Variants in OSBPL10 observed in about 807,000 individuals in gnomAD.
OSBPL10 encodes oxysterol-binding protein-related protein 10.
Under a neutral mutation model 81.7 loss-of-function variants are expected in OSBPL10, and 49 were observed. The observed-to-expected ratio is 0.60, with a 90% confidence interval of 0.48 to 0.76. The LOEUF (loss-of-function observed/expected upper bound fraction) is 0.76. OSBPL10 is among the 30% of genes least tolerant of loss of function. The probability of loss-of-function intolerance (pLI) is 0.00; values close to 1 mark genes in which losing one functional copy is unlikely to be tolerated. For missense variants in OSBPL10, 923 were observed against 987.8 expected (o/e 0.93, Z 0.88); for synonymous variants, 419 against 383.6 (o/e 1.09, Z -1.08).
At chr3:31,847,819 A>T (rs895164899) in intron 3 of OSBPL10, among the ~76,000 whole-genome samples, 1 of 152,074 alleles carries the variant, frequency 6.6e-6, no homozygotes, top group African/African-American at 2.4e-5. Flanking sequence ...GGAAACTATT[A>T]CACCTTCCAA....
intron 6 of OSBPL10, chr3:31,703,944 C>T (rs1421186460): frequency 2.0e-5 from 3 of 152,212 alleles, no homozygotes; most frequent in Non-Finnish European, 4.4e-5. Context: ...GAATCCTTAC[C>T]TATGCTAACC....
chr3:31,949,408 C>T (rs1697798300), intron 1 of OSBPL10, among the ~76,000 whole-genome samples: 1 of 151,874 alleles, frequency 6.6e-6, no homozygotes, highest in African/African-American at 2.4e-5. Flanking sequence ...GTGGCTCACG[C>T]CTGTAATCCC....
chr3:31,676,376 C>T (rs547423846), intron 8 of OSBPL10, among the ~76,000 whole-genome samples: 1 of 150,830 alleles, frequency 6.6e-6, no homozygotes, highest in Non-Finnish European at 1.5e-5. Flanking sequence ...CTTCATTTGG[C>T]CTAACAGCTA....
chr3:31,865,586 G>A (rs4955214), intron 3 of OSBPL10, among the ~76,000 whole-genome samples: 14,287 of 152,184 alleles, frequency 0.094, 1,396 homozygotes, highest in Admixed American at 0.33. Context: ...GCCTTTGGGA[G>A]GTGATTAGGT....
intron 2 of OSBPL10, among the ~76,000 whole-genome samples, chr3:32,020,822 C>T (rs1699357979): frequency 6.6e-6 from 1 of 152,078 alleles, no homozygotes; most frequent in Non-Finnish European, 1.5e-5. Flanking sequence ...TATGCAAGAG[C>T]AAGGTGGTTG....
intron 6 of OSBPL10, among the ~76,000 whole-genome samples, chr3:31,708,547 A>G (rs1257106862): frequency 6.6e-6 from 1 of 152,212 alleles, no homozygotes; most frequent in Admixed American, 6.5e-5. Flanking sequence ...AATCCAGGAA[A>G]TTTCACTTGG....
chr3:31,799,610 T>C (rs1249155766), intron 4 of OSBPL10, among the ~76,000 whole-genome samples: 1 of 152,096 alleles, frequency 6.6e-6, no homozygotes, highest in Non-Finnish European at 1.5e-5. Flanking sequence ...TGGTACATTA[T>C]AAGCACTCAA....
chr3:31,678,319 T>C (rs1162395153), intron 8 of OSBPL10, among the ~76,000 whole-genome samples: 2 of 151,970 alleles, frequency 1.3e-5, no homozygotes, highest in African/African-American at 4.8e-5. Flanking sequence ...GGGAAGAAGA[T>C]GATGATGAAC....
chr3:32,004,120 A>G (rs781698572), intron 2 of OSBPL10, among the ~76,000 whole-genome samples: 3 of 152,210 alleles, frequency 2.0e-5, no homozygotes, highest in Non-Finnish European at 4.4e-5. Context: ...TTTAACTTAT[A>G]TTATTTTAAA....
At chr3:32,013,087 A>G (rs1026515001) in intron 2 of OSBPL10, among the ~76,000 whole-genome samples, 1 of 152,214 alleles carries the variant, frequency 6.6e-6, no homozygotes, top group African/African-American at 2.4e-5. Context: ...CTCTGCACCA[A>G]GCGGACCTAA....
At chr3:31,866,496 C>A (rs942497356) in intron 3 of OSBPL10, among the ~76,000 whole-genome samples, 1 of 152,202 alleles carries the variant, frequency 6.6e-6, no homozygotes, top group African/African-American at 2.4e-5. Flanking sequence ...TGGAACCAAC[C>A]AGTGTCAGCC....
In OSBPL10 at chr3:32,062,246, A is replaced by T. The variant is rs1379852747; in HGVS notation, n.185+15150T>A. ...CAGCCTCCCAAGTAGCTGGGAATAC[A>T]GGCATGCACCATTACACCCAGCTAA... On this transcript the variant is annotated intron_variant and non_coding_transcript_variant, in intron 1 of 3. Transcript: ENST00000479173. 2.1e-5 allele frequency among the ~76,000 whole-genome samples: 2 copies of T among 93,734 alleles called. 1 individual carries two copies. The highest frequency in any genetic ancestry group is 5.5e-5 in the African/African-American group (2 of 36,350). 61.5% of individuals were successfully genotyped at this position (93,734 alleles called of 152,430 possible).
chr3:31,962,149 G>A (rs1698186244), intron 1 of OSBPL10, among the ~76,000 whole-genome samples: 4 of 151,948 alleles, frequency 2.6e-5, no homozygotes, highest in Admixed American at 2.6e-4. Flanking sequence ...TAGAGATGGG[G>A]TTTCATCACG....
chr3:31,902,214 G>A (rs73061460), intron 1 of OSBPL10, among the ~76,000 whole-genome samples: 31,265 of 151,188 alleles, frequency 0.21, 3,938 homozygotes, highest in Admixed American at 0.3. Context: ...CCTTAAAGAT[G>A]GACCTGGCAC....
At chr3:31,926,038 TTATCTTTA>T (rs1277332947) in intron 1 of OSBPL10, among the ~76,000 whole-genome samples, 3 of 152,190 alleles carry the variant, frequency 2.0e-5, no homozygotes, top group Non-Finnish European at 2.9e-5. Context: ...AACCACTCTC[TTATCTTTA>T]TATCTATTAT....
At chr3:31,697,063 C>T (rs1695742901) in intron 7 of OSBPL10, among the ~76,000 whole-genome samples, 1 of 152,208 alleles carries the variant, frequency 6.6e-6, no homozygotes, top group African/African-American at 2.4e-5. Context: ...AATCCTCCTT[C>T]AATCTGGCCT....
intron 5 of OSBPL10, among the ~76,000 whole-genome samples, chr3:31,739,616 G>A (rs996293824): frequency 6.6e-6 from 1 of 152,176 alleles, no homozygotes; most frequent in Admixed American, 6.5e-5. Flanking sequence ...TGCCCTCCAG[G>A]CTCACACACC....
intron 6 of OSBPL10, chr3:31,714,527 T>A (rs529291929): frequency 6.6e-6 from 1 of 152,556 alleles, no homozygotes; most frequent in Admixed American, 6.5e-5. Flanking sequence ...CTAAACACGA[T>A]GGGCAAATAG....
At chr3:32,046,260 T>A (rs982844212) in intron 2 of OSBPL10, among the ~76,000 whole-genome samples, 4 of 152,172 alleles carry the variant, frequency 2.6e-5, no homozygotes, top group Non-Finnish European at 5.9e-5. Flanking sequence ...GTCCTTCTTA[T>A]ATAAAAATAC....
Sources: gnomAD v4.1 joint callset for allele counts (sites outside exome capture counted in the v4.1 genomes callset) on GRCh38, gnomAD v4.1.1 for gene constraint, MANE v1.5 for transcripts, NCBI Gene and HGNC (gene_info 2026-07-23, HGNC 2026-07-21) for gene names.